Variants in NLRP7 observed in about 807,000 individuals in gnomAD.
The protein encoded by NLRP7 is NLR family pyrin domain containing 7, also known as NACHT, LRR and PYD domains-containing protein 7.
NLRP7 carries 72 observed loss-of-function variants against 85.5 expected under a neutral mutation model. The ratio of observed to expected loss-of-function variants is 0.84; its 90% CI spans 0.70 to 1.02. The LOEUF (loss-of-function observed/expected upper bound fraction) is 1.02, where lower values mean the gene tolerates loss of function less well. Among genes scored for constraint, NLRP7 ranks in the 50% least tolerant of loss-of-function variants. NLRP7 has a pLI of 0.00. For synonymous variants in NLRP7, 550 were observed against 505.2 expected (o/e 1.09, Z -1.19); for missense variants, 1,243 against 1,219.5 (o/e 1.02, Z -0.29).
At chr19:54,956,576 A>C (rs1217751355) in intron 1 of NLRP7, among the ~76,000 whole-genome samples, 4 of 151,276 alleles carry the variant, frequency 2.6e-5, no homozygotes, top group Admixed American at 6.6e-5. Context: ...TGCCTGTAAT[A>C]CCAGCTACTC....
intron 1 of NLRP7, among the ~76,000 whole-genome samples, chr19:54,942,255 CAAAAAAAA>C (rs576434793): frequency 1.7e-3 from 99 of 59,444 alleles, no homozygotes; most frequent in African/African-American, 5.1e-3. Flanking sequence ...GACTCCGTCT[CAAAAAAAA>C]AAAAAAAAAA....
chr19:54,952,627 G>C (rs983000395), intron 1 of NLRP7, among the ~76,000 whole-genome samples: 1 of 151,742 alleles, frequency 6.6e-6, no homozygotes, highest in South Asian at 2.1e-4. Flanking sequence ...CAAACTTCTG[G>C]GGGAGATGGA....
At chr19:54,937,928 T>C in intron 5 of NLRP7, 116 bp downstream of exon 5, 1 of 729,960 alleles carries the variant, frequency 1.4e-6, no homozygotes. Flanking sequence ...AAAAGACAGC[T>C]GGAAAATCCC....
chr19:54,930,517 C>T (rs764055513), exon 9 of NLRP7: 2 of 1,610,004 alleles, frequency 1.2e-6, no homozygotes, highest in Non-Finnish European at 1.7e-6. Flanking sequence ...TTTTAGGTTA[C>T]AGTTTGGATT....
exon 8 of NLRP7, chr19:54,933,700 G>A (rs371949371): frequency 1.7e-5 from 27 of 1,614,076 alleles, no homozygotes; most frequent in Non-Finnish European, 2.1e-5. Flanking sequence ...CAGCAGCAAG[G>A]TCCTTGCAAC....
At chr19:54,940,045 C>G in exon 4 of NLRP7, 1 of 1,614,206 alleles carries the variant, frequency 6.2e-7, no homozygotes, top group South Asian at 1.1e-5. Flanking sequence ...GTGGGACTTT[C>G]AGCTCATCAA....
At position 54,965,006 on chromosome 19, in the gene NLRP7, C is replaced by T. The variant is rs541735850; in HGVS notation, c.-77+1034G>A. 5.0e-4 allele frequency: 51 copies of T among 102,666 alleles called. 11 individuals carry two copies. Among genetic ancestry groups the T allele is most frequent in the African/African-American group, 2.2e-3 (50 of 22,350 alleles). The allele number at this position is 102,666 out of a possible 1,614,324, so 6.4% of individuals were successfully genotyped here. A position where few individuals can be genotyped will look rare whatever the true frequency, so the allele number is the denominator to read the frequency against. ...GCTGAGGCTTCTAAGCGGTGATTCT[C>T]AGCCTCGGCCGCAATCACAATTATC... On this transcript the variant is annotated intron_variant, in intron 1 of 2. Transcript: ENST00000587103.
intron 1 of NLRP7, among the ~76,000 whole-genome samples, chr19:54,963,353 A>T (rs1203049400): frequency 6.6e-6 from 1 of 151,972 alleles, no homozygotes; most frequent in East Asian, 1.9e-4. Flanking sequence ...AAAAAGAAAA[A>T]ACGAAAAGAA....
At chr19:54,946,548 T>TGGCTCAATCACACCTCATTGCAGC (rs1569541637) in intron 1 of NLRP7, among the ~76,000 whole-genome samples, 1 of 151,854 alleles carries the variant, frequency 6.6e-6, no homozygotes, top group East Asian at 1.9e-4. Context: ...TGGAGTGCAG[T>TGGCTCAATCACACCTCATTGCAGC]GGCTCAATCA....
chr19:54,930,849 G>A (rs2068647064), intron 8 of NLRP7, among the ~76,000 whole-genome samples, 183 bp from the exon 9 acceptor site: 1 of 151,918 alleles, frequency 6.6e-6, no homozygotes, highest in Non-Finnish European at 1.5e-5. Flanking sequence ...CCAAGTAGCT[G>A]GGATTATAGG....
exon 4 of NLRP7, chr19:54,939,883 CAGG>C (rs750723537): frequency 1.9e-6 from 3 of 1,613,844 alleles, no homozygotes; most frequent in Admixed American, 3.3e-5. Flanking sequence ...GCTGCTGCGC[CAGG>C]AGCTGGAGGT....
chr19:54,923,942 GT>G (rs1437349164), intron 9 of NLRP7, 70 bp from the exon 11 acceptor site: 8 of 1,516,798 alleles, frequency 5.3e-6, no homozygotes, highest in Non-Finnish European at 7.3e-6. Context: ...CTGAATATCT[GT>G]TTTCAAACAC....
chr19:54,926,227 T>TGTGTGCGC, intron 9 of NLRP7, among the ~76,000 whole-genome samples: 1 of 150,842 alleles, frequency 6.6e-6, no homozygotes, highest in East Asian at 2.0e-4. Flanking sequence ...TGTGTGTGTG[T>TGTGTGCGC]GCTCATGCAC....
intron 1 of NLRP7, 22 bp downstream of exon 1, chr19:54,947,447 C>A: frequency 7.8e-7 from 1 of 1,287,964 alleles, no homozygotes; most frequent in South Asian, 1.2e-5. Context: ...ACAAAGAAAT[C>A]GATGCAAGAA....
chr19:54,950,861 T>C (rs1008619414), upstream of NLRP7, among the ~76,000 whole-genome samples: 39 of 152,220 alleles, frequency 2.6e-4, no homozygotes, highest in African/African-American at 5.8e-4. Flanking sequence ...CGGTCAGGTC[T>C]TTCCCTTCCC....
chr19:54,924,968 AAACCTTCAGTAG>A (rs2068371348), intron 9 of NLRP7, among the ~76,000 whole-genome samples: 1 of 152,128 alleles, frequency 6.6e-6, no homozygotes. Flanking sequence ...GTGGCAAATC[AAACCTTCAGTAG>A]AACTAAGAGA....
chr19:54,933,639 T>TG lies in NLRP7; in HGVS notation c.2571dup (p.Ile858HisfsTer11), dbSNP rs766731093. On this transcript the variant is annotated frameshift_variant, in exon 8 of 10. Coordinates refer to ENST00000340844, the Ensembl canonical transcript of NLRP7. LOFTEE classifies it high-confidence loss of function. ...AGAAACTTCACCCCTGTATCCCCAA[T>TG]GGGGTTCTTGGCCAAGCACAGGTGT... 85 of 1,613,960 alleles carry TG rather than the reference T, an allele frequency of 5.3e-5. No homozygotes were observed. Among genetic ancestry groups the TG allele is most frequent in the Middle Eastern group, 1.6e-4 (1 of 6,082 alleles).
exon 2 of NLRP7, chr19:54,941,472 G>C: frequency 6.2e-7 from 1 of 1,612,760 alleles, no homozygotes; most frequent in Non-Finnish European, 8.5e-7. Flanking sequence ...ACAATTCCGT[G>C]AGATTCATCT....
chr19:54,927,331 A>G (rs2068485779), intron 9 of NLRP7, among the ~76,000 whole-genome samples: 1 of 151,780 alleles, frequency 6.6e-6, no homozygotes, highest in Non-Finnish European at 1.5e-5. Context: ...CAGTGAGCCA[A>G]GATCGCACCA....
Sources: allele counts gnomAD v4.1 joint callset (sites outside exome capture counted in the v4.1 genomes callset), GRCh38; gene constraint gnomAD v4.1.1; transcripts MANE v1.5; gene names NCBI Gene and HGNC (gene_info 2026-07-23, HGNC 2026-07-21).